COX7B2: variants seen among roughly 807,000 people sequenced by gnomAD.
COX7B2 encodes the protein cytochrome c oxidase subunit 7B2, mitochondrial.
For synonymous variants in COX7B2, 37 were observed against 32.1 expected, an observed-to-expected ratio of 1.15 and a Z score of -0.51; for missense variants, 109 against 95.9, an observed-to-expected ratio of 1.14 and a Z score of -0.57.
intron 1 of COX7B2, among the ~76,000 whole-genome samples, chr4:46,859,427 TGAA>T (rs1305316837): frequency 3.9e-5 from 6 of 152,190 alleles, no homozygotes; most frequent in Non-Finnish European, 8.8e-5. Context: ...GTGATCTTGA[TGAA>T]GGAGCTTTCA....
intron 2 of COX7B2, among the ~76,000 whole-genome samples, chr4:46,801,847 T>A (rs1168232184): frequency 1.3e-5 from 2 of 152,150 alleles, no homozygotes; most frequent in African/African-American, 4.8e-5. Context: ...TTTCTTTGAA[T>A]CTCTAAATCT....
intron 2 of COX7B2, among the ~76,000 whole-genome samples, chr4:46,823,686 T>G (rs1714464313): frequency 6.6e-6 from 1 of 151,408 alleles, no homozygotes; most frequent in African/African-American, 2.4e-5. Context: ...ACAAATTACC[T>G]TACAAAAATT....
chr4:46,835,452 A>G (rs954188357), intron 2 of COX7B2, among the ~76,000 whole-genome samples: 5 of 152,016 alleles, frequency 3.3e-5, no homozygotes, highest in Admixed American at 6.6e-5. Flanking sequence ...AAACACACAC[A>G]CACATGTTAA....
At chr4:46,836,424 A>T (rs1715520062) in intron 2 of COX7B2, among the ~76,000 whole-genome samples, 2 of 152,044 alleles carry the variant, frequency 1.3e-5, no homozygotes, top group Non-Finnish European at 2.9e-5. Context: ...TAGACCTAGA[A>T]AGAGTTAGGA....
chr4:46,775,146 G>T (rs1560372351), intron 2 of COX7B2, among the ~76,000 whole-genome samples: 1 of 151,986 alleles, frequency 6.6e-6, no homozygotes, highest in Non-Finnish European at 1.5e-5. Context: ...TATATCATTT[G>T]CCAGTCAGAT....
intron 2 of COX7B2, among the ~76,000 whole-genome samples, chr4:46,842,028 C>A (rs1181574295): frequency 1.3e-5 from 2 of 151,944 alleles, no homozygotes; most frequent in Non-Finnish European, 2.9e-5. Flanking sequence ...AAGGATGCAA[C>A]AGTTTCTAAA....
intron 2 of COX7B2, among the ~76,000 whole-genome samples, chr4:46,789,989 A>G (rs1282785676): frequency 6.6e-6 from 1 of 151,636 alleles, no homozygotes; most frequent in Non-Finnish European, 1.5e-5. Flanking sequence ...CTGTCAAAAA[A>G]TTGTGTAGGT....
At chr4:46,857,021 A>G (rs962236904) in intron 1 of COX7B2, among the ~76,000 whole-genome samples, 1 of 152,192 alleles carries the variant, frequency 6.6e-6, no homozygotes, top group Non-Finnish European at 1.5e-5. Context: ...ATCAGATGTA[A>G]AAAACTAAAA....
At chr4:46,883,730 A>C (rs574831748) in intron 1 of COX7B2, among the ~76,000 whole-genome samples, 1 of 152,180 alleles carries the variant, frequency 6.6e-6, no homozygotes, top group South Asian at 2.1e-4. Context: ...ACTGCACTCC[A>C]GCCTGGGCGA....
At chr4:46,752,645 T>A (rs1328343024) in intron 2 of COX7B2, among the ~76,000 whole-genome samples, 1 of 152,188 alleles carries the variant, frequency 6.6e-6, no homozygotes, top group Non-Finnish European at 1.5e-5. Context: ...TTGAATTTTG[T>A]CAAAAGCCTT....
At chr4:46,782,413 C>G (rs1241610780) in intron 2 of COX7B2, among the ~76,000 whole-genome samples, 2 of 151,982 alleles carry the variant, frequency 1.3e-5, no homozygotes. Context: ...TTGTGCCTAG[C>G]TAAAGGATTG....
chr4:46,852,226 C>T (rs891928536), intron 1 of COX7B2, among the ~76,000 whole-genome samples: 5 of 151,938 alleles, frequency 3.3e-5, no homozygotes, highest in Non-Finnish European at 5.9e-5. Context: ...TTATTCTGGA[C>T]GTTAAAATCC....
At chr4:46,769,103 T>G (rs1442978676) in intron 2 of COX7B2, among the ~76,000 whole-genome samples, 1 of 151,926 alleles carries the variant, frequency 6.6e-6, no homozygotes, top group African/African-American at 2.4e-5. Context: ...AACAAACATT[T>G]AAATAAGAAT....
At chr4:46,793,809 T>C (rs563702808) in intron 2 of COX7B2, among the ~76,000 whole-genome samples, 8 of 152,272 alleles carry the variant, frequency 5.3e-5, no homozygotes, top group African/African-American at 1.9e-4. Context: ...AATAATGGGA[T>C]CCTATAAATT....
At chr4:46,779,766 A>T (rs955371941) in intron 2 of COX7B2, among the ~76,000 whole-genome samples, 41 of 142,100 alleles carry the variant, frequency 2.9e-4, no homozygotes, top group African/African-American at 9.5e-4. Context: ...TAAAAAAATT[A>T]AAAAAAAAAA....
At chr4:46,746,035 A>G (rs576006044) in intron 2 of COX7B2, among the ~76,000 whole-genome samples, 1 of 152,336 alleles carries the variant, frequency 6.6e-6, no homozygotes, top group South Asian at 2.1e-4. Flanking sequence ...AACACTAGAT[A>G]CAGTTTATAT....
At chr4:46,771,341 G>A (rs1022107509) in intron 2 of COX7B2, among the ~76,000 whole-genome samples, 1 of 151,912 alleles carries the variant, frequency 6.6e-6, no homozygotes, top group Non-Finnish European at 1.5e-5. Context: ...TGGAGAGAAG[G>A]GGTCCCCTTG....
chr4:46,855,521 A>G (rs949847338), intron 1 of COX7B2, among the ~76,000 whole-genome samples: 1 of 152,056 alleles, frequency 6.6e-6, no homozygotes, highest in African/African-American at 2.4e-5. Flanking sequence ...ACTAATTTTC[A>G]TAGAAGAAAA....
intron 2 of COX7B2, among the ~76,000 whole-genome samples, chr4:46,792,624 C>G (rs1165086330): frequency 6.6e-6 from 1 of 152,130 alleles, no homozygotes; most frequent in Non-Finnish European, 1.5e-5. Flanking sequence ...ACAAGCTTTC[C>G]TAGGTCTCCA....
Sources: gnomAD v4.1 joint callset for allele counts (sites outside exome capture counted in the v4.1 genomes callset) on GRCh38, gnomAD v4.1.1 for gene constraint, MANE v1.5 for transcripts, NCBI Gene and HGNC (gene_info 2026-07-23, HGNC 2026-07-21) for gene names.